Variants in BACH2 observed in about 807,000 individuals in gnomAD.
BACH2 encodes the protein transcription regulator protein BACH2.
In BACH2, 5 loss-of-function variants were observed where a neutral mutation model predicts 61.8. The observed-to-expected ratio is 0.08, with a 90% CI of 0.04 to 0.17. BACH2 has a LOEUF of 0.17. Ranked by LOEUF, BACH2 falls within the 10% of genes least tolerant of loss-of-function variation. BACH2 has a pLI of 1.00. For synonymous variants in BACH2, 446 were observed against 440.1 expected (o/e 1.01, Z -0.17); for missense variants, 824 against 1,091.1 (o/e 0.76, Z 3.45).
At chr6:90,259,771 A>G (rs1771098481) in intron 2 of BACH2, among the ~76,000 whole-genome samples, 1 of 151,900 alleles carries the variant, frequency 6.6e-6, no homozygotes, top group African/African-American at 2.4e-5. Flanking sequence ...CAGGCTTTCT[A>G]TTTCTTCCTG....
chr6:89,951,671 C>T lies in BACH2; in HGVS notation c.435G>A (p.Lys145=), dbSNP rs1008925614. The T allele has an allele frequency of 2.4e-5, 38 of 1,614,236 alleles. No individual in the cohort carries two copies. Among genetic ancestry groups the T allele is most frequent in the Non-Finnish European group, 3.2e-5 (38 of 1,180,042 alleles). Residue 145 remains lysine (K), a synonymous_variant, in exon 7 of 9, where the codon AAG becomes AAA. Coordinates refer to ENST00000257749, the MANE Select transcript of BACH2 (RefSeq NM_021813.4). This position sits in a 1 kb window ranked among gnomAD's most constrained non-coding sequence, Gnocchi z 6.4. The part of the protein sequence containing the change: ...NSEDGLFVCR[K]DAACQRPHED... ...CGTGTGGGCGCTGGCACGCAGCATC[C>T]TTCCGGCACACAAACAGGCCATCCT...
rs374003793 is a variant in BACH2 at position 89,947,430 on chromosome 6, T to A, written c.1836+2840A>T. ...CTCTAGGAAAACTAAGATGTCAAAT[T>A]GGGAAAAACCTTAACTTTACTGTAA... On this transcript the variant is annotated intron_variant, in intron 7 of 8. Transcript: ENST00000257749. Among the ~76,000 whole-genome samples, 4 of 152,314 alleles carry A rather than the reference T, an allele frequency of 2.6e-5. No individual in the cohort carries two copies. The East Asian group carries it at 7.7e-4, about 29-fold the overall frequency.
At chr6:89,933,375 G>A (rs1772798165) in intron 8 of BACH2, among the ~76,000 whole-genome samples, 1 of 152,160 alleles carries the variant, frequency 6.6e-6, no homozygotes, top group Non-Finnish European at 1.5e-5. Context: ...GTGGTTGTTA[G>A]GGGTAAAAGG....
intron 5 of BACH2, among the ~76,000 whole-genome samples, chr6:90,077,617 A>C (rs1034818317): frequency 3.3e-5 from 5 of 152,188 alleles, no homozygotes; most frequent in African/African-American, 1.2e-4. Flanking sequence ...GGATGGTAGG[A>C]CAGACTAAGA....
At position 90,069,759 on chromosome 6, in the gene BACH2, C is replaced by T. The variant is rs1398634425; in HGVS notation, c.-13+19202G>A. On this transcript the variant is annotated intron_variant, in intron 5 of 8. Transcript: ENST00000257749. ...CCTTTACAGAATGCAGACAAGAAGG[C>T]GATTAGGGAAATTAGTAGGAGATAA... is the stretch of plus-strand genomic sequence containing the variant. Among the ~76,000 whole-genome samples, 3 of 151,590 alleles carry T rather than the reference C, an allele frequency of 2.0e-5. No homozygotes were observed. The East Asian group carries it at 5.8e-4, about 29-fold the overall frequency.
At chr6:90,017,096 A>T (rs1434880090) in intron 5 of BACH2, among the ~76,000 whole-genome samples, 2 of 152,110 alleles carry the variant, frequency 1.3e-5, no homozygotes, top group African/African-American at 4.8e-5. Flanking sequence ...TATTTTTGCC[A>T]CAATTTTTTT....
chr6:89,950,636 C>G lies in BACH2; in HGVS notation c.1470G>C (p.Leu490Phe), dbSNP rs1189181957. ...YSHGGLMADHLPGRMRPNTSC... is the reference protein window; with the variant it reads ...YSHGGLMADHFPGRMRPNTSC... ...TGGTGTTGGGCCGCATCCTTCCTGG[C>G]AAGTGGTCGGCCATCAGCCCACCGT... The change falls in exon 7 of 9, where the codon TTG becomes TTC. Residue 490 changes from leucine (L) to phenylalanine (F), a missense_variant. Transcript: ENST00000257749. The surrounding 1 kb of genome is among the most constrained non-coding windows in gnomAD (Gnocchi z 5.3). 1.2e-6 allele frequency: 2 copies of G among 1,614,098 alleles called. No homozygotes were observed. The highest frequency in any genetic ancestry group is 1.7e-6 in the Non-Finnish European group (2 of 1,179,982).
chr6:89,974,702 T>C (rs1775557714), intron 6 of BACH2, among the ~76,000 whole-genome samples: 1 of 152,212 alleles, frequency 6.6e-6, no homozygotes, highest in Non-Finnish European at 1.5e-5. Flanking sequence ...ATTAGGCATA[T>C]GTATCTTTTT....
intron 5 of BACH2, among the ~76,000 whole-genome samples, chr6:90,044,404 T>C (rs1490427843): frequency 1.3e-5 from 2 of 152,074 alleles, no homozygotes; most frequent in African/African-American, 4.8e-5. Context: ...CCAGAGTGCA[T>C]GGAGGATAGT....
intron 6 of BACH2, among the ~76,000 whole-genome samples, chr6:89,966,488 T>C (rs1021510620): frequency 6.6e-6 from 1 of 152,198 alleles, no homozygotes; most frequent in Non-Finnish European, 1.5e-5. Flanking sequence ...GACTCTCAGA[T>C]AGAACATACC....
At chr6:90,044,936 G>A (rs1346798334) in intron 5 of BACH2, among the ~76,000 whole-genome samples, 1 of 152,188 alleles carries the variant, frequency 6.6e-6, no homozygotes, top group Admixed American at 6.5e-5. Flanking sequence ...GTAAGCAACT[G>A]AACACAGCCT....
intron 3 of BACH2, among the ~76,000 whole-genome samples, chr6:90,246,363 G>A (rs1770638129): frequency 6.6e-6 from 1 of 152,120 alleles, no homozygotes; most frequent in Admixed American, 6.6e-5. Context: ...TATTCTTACT[G>A]TTGTCTACTG....
rs553526803 is a variant in BACH2 at position 90,171,151 on chromosome 6, C to G, written c.-162+35418G>C. Among the ~76,000 whole-genome samples the G allele has an allele frequency of 7.9e-5, 12 of 152,192 alleles. No individual in the cohort carries two copies. The South Asian group carries it at 2.3e-3, about 29-fold the overall frequency. ...CCAGGCTGGGTGCAGTGGCTCACGC[C>G]TGTAATCCCAGCACTTTGGGAGGCC... is the stretch of plus-strand genomic sequence containing the variant. On this transcript the variant is annotated intron_variant, in intron 4 of 8. Transcript: ENST00000257749.
At chr6:90,296,098 C>A (rs553699120) in intron 1 of BACH2, among the ~76,000 whole-genome samples, 5 of 152,002 alleles carry the variant, frequency 3.3e-5, no homozygotes, top group African/African-American at 1.2e-4. Context: ...TGCTGCGGCT[C>A]GCGCGGACGC....
intron 4 of BACH2, among the ~76,000 whole-genome samples, chr6:90,111,341 C>T (rs1213880390): frequency 6.6e-6 from 1 of 152,174 alleles, no homozygotes; most frequent in Non-Finnish European, 1.5e-5. Flanking sequence ...AGCCCTTCTC[C>T]ACAGAGCAGC....
At chr6:90,046,583 T>C (rs1458865904) in intron 5 of BACH2, among the ~76,000 whole-genome samples, 1 of 152,214 alleles carries the variant, frequency 6.6e-6, no homozygotes, top group African/African-American at 2.4e-5. Flanking sequence ...GTAGCTATTT[T>C]GAAATTTCAA....
intron 5 of BACH2, among the ~76,000 whole-genome samples, chr6:90,088,297 A>G (rs531900253): frequency 4.7e-4 from 71 of 152,282 alleles, no homozygotes; most frequent in Non-Finnish European, 9.4e-4. Flanking sequence ...AAGCATGATG[A>G]GCACACCTGC....
chr6:89,972,529 C>A (rs186902217), intron 6 of BACH2, among the ~76,000 whole-genome samples: 1 of 152,132 alleles, frequency 6.6e-6, no homozygotes. Flanking sequence ...CTATTTGGGA[C>A]GCTTTACAGT....
intron 6 of BACH2, among the ~76,000 whole-genome samples, chr6:89,981,466 G>T (rs1312627342): frequency 6.6e-6 from 1 of 152,122 alleles, no homozygotes. Context: ...CAGAGTTAAA[G>T]AGAGAACACA....
Sources: allele counts gnomAD v4.1 joint callset (sites outside exome capture counted in the v4.1 genomes callset), GRCh38; gene constraint gnomAD v4.1.1; non-coding constraint Gnocchi (gnomAD v3.1); transcripts MANE v1.5; gene names NCBI Gene and HGNC (gene_info 2026-07-23, HGNC 2026-07-21).